The following UNC13C variants were observed in gnomAD, a reference collection of about 807,000 sequenced individuals.
UNC13C encodes the protein unc-13 homolog C.
Under a neutral mutation model 245.4 loss-of-function variants are expected in UNC13C, and 174 were observed. The ratio of observed to expected loss-of-function variants is 0.71; its 90% CI spans 0.63 to 0.80. The LOEUF is 0.80. Among genes scored for constraint, UNC13C ranks in the 30% least tolerant of loss-of-function variants. The probability of loss-of-function intolerance (pLI) is 0.00; values close to 1 mark genes in which losing one functional copy is unlikely to be tolerated. For missense variants in UNC13C, 2,829 were observed against 2,602.9 expected (o/e 1.09, Z -1.89); for synonymous variants, 992 against 895.1 (o/e 1.11, Z -1.93).
intron 2 of UNC13C, among the ~76,000 whole-genome samples, chr15:54,070,729 G>T (rs1898283065): frequency 6.6e-6 from 1 of 152,162 alleles, no homozygotes. Flanking sequence ...GGAAGCTACA[G>T]TTTCTCGGCT....
intron 25 of UNC13C, 48 bp downstream of exon 25, chr15:54,525,685 G>T (rs1895419668): frequency 1.4e-6 from 2 of 1,469,356 alleles, no homozygotes; most frequent in Non-Finnish European, 9.4e-7. Context: ...TTAGGTGTCA[G>T]TTCATGATAT....
At chr15:53,840,966 C>T in the UNC13C span, among the ~76,000 whole-genome samples, 1 of 152,092 alleles carries the variant, frequency 6.6e-6, no homozygotes, top group East Asian at 1.9e-4. Flanking sequence ...GTGCCAAATT[C>T]AGAGGGTTAT....
intron 2 of UNC13C, among the ~76,000 whole-genome samples, chr15:54,048,171 G>A (rs1005872909): frequency 5.9e-5 from 9 of 152,092 alleles, no homozygotes; most frequent in Non-Finnish European, 1.5e-5. Context: ...ATATAAGCAT[G>A]GCATGTAGGG....
the UNC13C span, among the ~76,000 whole-genome samples, chr15:53,852,170 G>T: frequency 8.5e-4 from 130 of 152,286 alleles, no homozygotes; most frequent in Middle Eastern, 3.4e-3. Context: ...GATATTGTCA[G>T]ATTTTAATTG....
At position 54,291,721 on chromosome 15, in the gene UNC13C, G is replaced by A. The variant is rs527956833; in HGVS notation, c.3819-2174G>A. Among the ~76,000 whole-genome samples, 6 of 152,068 alleles carry A rather than the reference G, an allele frequency of 3.9e-5. No homozygotes were observed. The South Asian group carries it at 6.2e-4, about 16-fold the overall frequency. On this transcript the variant is annotated intron_variant, in intron 10 of 32. Coordinates refer to ENST00000260323, the MANE Select transcript of UNC13C (RefSeq NM_001080534.3). ...AGTAACTGAGATTTATAGAAGTTAA[G>A]TTAGGTAGACATAGTAGTTCTCAAC... is the stretch of plus-strand genomic sequence containing the variant.
At chr15:54,388,686 T>C (rs1421480732) in intron 17 of UNC13C, among the ~76,000 whole-genome samples, 1 of 152,188 alleles carries the variant, frequency 6.6e-6, no homozygotes, top group Non-Finnish European at 1.5e-5. Context: ...GCCTCTCTCC[T>C]TTACCTATGT....
intron 8 of UNC13C, among the ~76,000 whole-genome samples, chr15:54,254,884 C>G (rs1359432334): frequency 6.6e-6 from 1 of 152,168 alleles, no homozygotes; most frequent in Non-Finnish European, 1.5e-5. Context: ...TCTATGCTGC[C>G]TGCTGTAGCC....
At chr15:54,302,423 G>A (rs564531692) in intron 13 of UNC13C, among the ~76,000 whole-genome samples, 1 of 152,182 alleles carries the variant, frequency 6.6e-6, no homozygotes, top group East Asian at 1.9e-4. Context: ...TATGCTTTTA[G>A]GTTTTACATT....
intron 19 of UNC13C, among the ~76,000 whole-genome samples, chr15:54,452,806 G>A (rs549064813): frequency 3.5e-4 from 54 of 152,320 alleles, no homozygotes; most frequent in Non-Finnish European, 6.8e-4. Context: ...TTGGCCCCAG[G>A]TGGCAGCTGC....
chr15:53,962,508 CT>C, the UNC13C span, among the ~76,000 whole-genome samples: 5 of 152,054 alleles, frequency 3.3e-5, no homozygotes, highest in Non-Finnish European at 5.9e-5. Context: ...AGTTCCACCC[CT>C]GTTCTTGCAG....
chr15:54,295,189 T>G (rs1292774769), intron 11 of UNC13C, among the ~76,000 whole-genome samples: 2 of 152,182 alleles, frequency 1.3e-5, no homozygotes, highest in African/African-American at 2.4e-5. Flanking sequence ...TAACTGAGGG[T>G]AAATTTCAGG....
At chr15:54,464,058 G>C (rs1416555836) in intron 19 of UNC13C, among the ~76,000 whole-genome samples, 1 of 152,176 alleles carries the variant, frequency 6.6e-6, no homozygotes, top group African/African-American at 2.4e-5. Context: ...AATATCAGTA[G>C]TAATTTCTAT....
intron 13 of UNC13C, among the ~76,000 whole-genome samples, 161 bp downstream of exon 13, chr15:54,300,534 G>C (rs1264310375): frequency 6.6e-6 from 1 of 152,132 alleles, no homozygotes; most frequent in Non-Finnish European, 1.5e-5. Context: ...CAGCTGTAAA[G>C]TATTAATGAC....
intron 1 of UNC13C, among the ~76,000 whole-genome samples, chr15:53,991,885 A>G (rs1894407259): frequency 6.6e-6 from 1 of 152,030 alleles, no homozygotes; most frequent in African/African-American, 2.4e-5. Context: ...GATACTCAAC[A>G]ATGTTGTTCA....
intron 7 of UNC13C, among the ~76,000 whole-genome samples, chr15:54,243,898 T>C (rs1459661521): frequency 2.0e-5 from 3 of 152,232 alleles, no homozygotes; most frequent in Admixed American, 6.5e-5. Flanking sequence ...GACAGATAGA[T>C]TGCAAAAATT....
chr15:53,965,840 G>T, the UNC13C span, among the ~76,000 whole-genome samples: 2 of 152,016 alleles, frequency 1.3e-5, no homozygotes, highest in Non-Finnish European at 2.9e-5. Flanking sequence ...TCTTGTGATA[G>T]TTTACTGAGA....
chr15:54,588,910 A>T (rs1319604198), intron 30 of UNC13C, among the ~76,000 whole-genome samples: 1 of 152,154 alleles, frequency 6.6e-6, no homozygotes, highest in African/African-American at 2.4e-5. Context: ...TTGGTTCCAC[A>T]GTTTTGCAAT....
the UNC13C span, among the ~76,000 whole-genome samples, chr15:53,927,506 A>C: frequency 0.18 from 28,100 of 152,164 alleles, 3,308 homozygotes; most frequent in East Asian, 0.34. Flanking sequence ...AAGGAGCTAA[A>C]CATCTCAGTT....
At chr15:53,916,097 G>A in the UNC13C span, among the ~76,000 whole-genome samples, 1 of 152,124 alleles carries the variant, frequency 6.6e-6, no homozygotes, top group African/African-American at 2.4e-5. Flanking sequence ...ATGGGAAATT[G>A]GACATAAATT....
Sources: allele counts gnomAD v4.1 joint callset (sites outside exome capture counted in the v4.1 genomes callset), GRCh38; gene constraint gnomAD v4.1.1; transcripts MANE v1.5; gene names NCBI Gene and HGNC (gene_info 2026-07-23, HGNC 2026-07-21).